Variants in CENPP observed in about 807,000 individuals in gnomAD.
CENPP encodes the protein centromere protein P.
In CENPP, 24 loss-of-function variants were observed where a neutral mutation model predicts 35.6. The ratio of observed to expected loss-of-function variants is 0.67; its 90% CI spans 0.49 to 0.95. CENPP has a LOEUF of 0.95. Among genes scored for constraint, CENPP ranks in the 40% least tolerant of loss-of-function variants. The pLI, the probability that CENPP is intolerant of heterozygous loss-of-function variation, is 0.00. For synonymous variants in CENPP, 120 were observed against 125.5 expected (o/e 0.96, Z 0.29); for missense variants, 332 against 345.3 (o/e 0.96, Z 0.31).
chr9:92,564,543 T>C (rs1354823316), intron 5 of CENPP, among the ~76,000 whole-genome samples: 2 of 152,126 alleles, frequency 1.3e-5, no homozygotes, highest in African/African-American at 4.8e-5. Context: ...AGTAATCAAA[T>C]ATGAAGCCCA....
chr9:92,609,614 C>T (rs1389429178), intron 5 of CENPP, among the ~76,000 whole-genome samples: 2 of 152,254 alleles, frequency 1.3e-5, no homozygotes, highest in South Asian at 2.1e-4. Context: ...AAGGAAAGCA[C>T]GTCTCTCAGA....
intron 4 of CENPP, among the ~76,000 whole-genome samples, chr9:92,362,967 C>T (rs1014581933): frequency 2.6e-5 from 4 of 151,996 alleles, no homozygotes; most frequent in South Asian, 2.1e-4. Flanking sequence ...CTCTTTAAGC[C>T]GGCTCCTGAA....
At chr9:92,389,986 A>C in intron 5 of CENPP, 1 of 1,610,892 alleles carries the variant, frequency 6.2e-7, no homozygotes, top group Non-Finnish European at 8.5e-7. Context: ...CTAACAGAGA[A>C]AGTTTTGAAA....
intron 5 of CENPP, chr9:92,496,370 A>C: frequency 6.2e-7 from 1 of 1,606,286 alleles, no homozygotes; most frequent in Non-Finnish European, 8.5e-7. Context: ...TATGCATGAA[A>C]ATGTGTAAGA....
chr9:92,325,789 G>A (rs1840439066), upstream of CENPP: 5 of 538,160 alleles, frequency 9.3e-6, no homozygotes, highest in Non-Finnish European at 1.6e-5. Flanking sequence ...AGGGAAACGT[G>A]TGCGGGGAAG....
At chr9:92,466,247 A>T in intron 5 of CENPP, 1 of 740,676 alleles carries the variant, frequency 1.4e-6, no homozygotes, top group South Asian at 1.9e-5. Flanking sequence ...ATCTAGGCAA[A>T]GATTATTCAA....
At chr9:92,538,308 CTG>C (rs1464003775) in intron 5 of CENPP, among the ~76,000 whole-genome samples, 3 of 152,186 alleles carry the variant, frequency 2.0e-5, no homozygotes, top group African/African-American at 7.2e-5. Context: ...ATTTTCAAAA[CTG>C]TACATGTATT....
intron 5 of CENPP, among the ~76,000 whole-genome samples, chr9:92,535,352 GTGTT>G (rs533025884): frequency 6.6e-6 from 1 of 152,104 alleles, no homozygotes; most frequent in Non-Finnish European, 1.5e-5. Context: ...TCGTAATTGA[GTGTT>G]TGCCTCCTAG....
chr9:92,379,744 G>T lies in CENPP; in HGVS notation c.468-19G>T, dbSNP rs530316962. On this transcript the variant is annotated intron_variant, in intron 4 of 7. Coordinates refer to ENST00000375587, the MANE Select transcript of CENPP (RefSeq NM_001012267.3). ...CATTTAATGATATTTATTAATCAGAGAATCATTTATTCCTACAGAGCAGAA... is the reference window on the plus strand; with the variant it reads ...CATTTAATGATATTTATTAATCAGATAATCATTTATTCCTACAGAGCAGAA... 7 of 1,519,378 alleles carry T rather than the reference G, an allele frequency of 4.6e-6. No individual in the cohort carries two copies. In the Admixed American group the frequency reaches 5.1e-5, roughly 11 times the overall value. 94.1% of individuals were successfully genotyped at this position (1,519,378 alleles called of 1,614,324 possible).
intron 5 of CENPP, among the ~76,000 whole-genome samples, chr9:92,579,893 A>T (rs1850378013): frequency 6.7e-6 from 1 of 148,158 alleles, no homozygotes; most frequent in Admixed American, 6.7e-5. Flanking sequence ...TTTCAAAGGG[A>T]GTGCTTCCAG....
intron 5 of CENPP, among the ~76,000 whole-genome samples, chr9:92,436,193 T>A (rs563919182): frequency 6.6e-6 from 1 of 152,232 alleles, no homozygotes; most frequent in Non-Finnish European, 1.5e-5. Flanking sequence ...GCTTATTTGC[T>A]ATCTGTGTAT....
At chr9:92,571,275 T>A (rs1430425698) in intron 5 of CENPP, among the ~76,000 whole-genome samples, 2 of 152,238 alleles carry the variant, frequency 1.3e-5, no homozygotes, top group Admixed American at 6.5e-5. Context: ...TTCTGGTATG[T>A]TGTGTCTTTG....
At chr9:92,443,858 T>G (rs1844484696) in intron 5 of CENPP, among the ~76,000 whole-genome samples, 2 of 152,094 alleles carry the variant, frequency 1.3e-5, no homozygotes, top group African/African-American at 2.4e-5. Flanking sequence ...AGATGGGGTT[T>G]CACCATTTTG....
intron 5 of CENPP, among the ~76,000 whole-genome samples, chr9:92,572,079 C>T (rs1458763157): frequency 3.3e-5 from 5 of 152,068 alleles, no homozygotes; most frequent in Admixed American, 2.6e-4. Flanking sequence ...GAGCATTTAG[C>T]CCATTTACAT....
At chr9:92,545,332 G>A (rs1849409968) in intron 5 of CENPP, among the ~76,000 whole-genome samples, 1 of 152,228 alleles carries the variant, frequency 6.6e-6, no homozygotes, top group South Asian at 2.1e-4. Flanking sequence ...TAGAGTTCTG[G>A]GTGGGCGTGG....
At chr9:92,441,519 G>A (rs1156643199) in intron 5 of CENPP, among the ~76,000 whole-genome samples, 1 of 152,178 alleles carries the variant, frequency 6.6e-6, no homozygotes, top group East Asian at 1.9e-4. Flanking sequence ...CACACTTTGG[G>A]AGGCTGAGGC....
intron 5 of CENPP, chr9:92,401,190 T>C: frequency 7.4e-7 from 1 of 1,349,724 alleles, no homozygotes; most frequent in African/African-American, 1.4e-5. Context: ...TTTTTCCTAT[T>C]GGAAAAATAA....
intron 5 of CENPP, among the ~76,000 whole-genome samples, chr9:92,459,168 T>A (rs1844997643): frequency 6.6e-6 from 1 of 152,224 alleles, no homozygotes; most frequent in African/African-American, 2.4e-5. Context: ...TACTGTATTC[T>A]GGTTGGAATG....
intron 5 of CENPP, among the ~76,000 whole-genome samples, chr9:92,564,680 C>T (rs751430103): frequency 6.6e-6 from 1 of 152,068 alleles, no homozygotes; most frequent in East Asian, 1.9e-4. Flanking sequence ...ATATAAGATC[C>T]CTCAGTATGT....
Sources: gnomAD v4.1 joint callset for allele counts (sites outside exome capture counted in the v4.1 genomes callset) on GRCh38, gnomAD v4.1.1 for gene constraint, MANE v1.5 for transcripts, NCBI Gene and HGNC (gene_info 2026-07-23, HGNC 2026-07-21) for gene names.